The following STS variants were observed in gnomAD, a reference collection of about 807,000 sequenced individuals.
The protein encoded by STS is steroid sulfatase.
In STS, 7 loss-of-function variants were observed where a neutral mutation model predicts 26.8. That is an observed-to-expected ratio of 0.26 (90% confidence interval 0.15 to 0.49). The LOEUF is 0.49. Among genes scored for constraint, STS ranks in the 20% least tolerant of loss-of-function variants. The probability of loss-of-function intolerance (pLI) is 0.98; values close to 1 mark genes in which losing one functional copy is unlikely to be tolerated. For synonymous variants in STS, 199 were observed against 189.4 expected, an observed-to-expected ratio of 1.05 and a Z score of -0.42; for missense variants, 434 against 465.6, an observed-to-expected ratio of 0.93 and a Z score of 0.63.
At chrX:7,280,432 G>A (rs966350091) in intron 7 of STS, among the ~76,000 whole-genome samples, 5 of 111,823 alleles carry the variant, frequency 4.5e-5, no homozygotes, top group African/African-American at 1.6e-4. Flanking sequence ...AATTCTTTGG[G>A]CAATCATGGT....
At chrX:7,162,198 A>G (rs1933258034) in intron 1 of STS, among the ~76,000 whole-genome samples, 1 of 111,405 alleles carries the variant, frequency 9.0e-6, no homozygotes, top group Non-Finnish European at 1.9e-5. Flanking sequence ...ACCCCTGTCA[A>G]ACTTGGCCAC....
rs370215311 is a variant in STS at position 7,252,302 on chromosome X, A to G, written c.-4-894A>G. On this transcript the variant is annotated intron_variant, in intron 2 of 10. Coordinates refer to ENST00000674429, the MANE Select transcript of STS (RefSeq NM_001320752.2). ...CCAGTTGCTGGGAGAGGTGTTGCCTACCACTGCTGGTGGGAAGACTAGAAG... is the reference window on the plus strand; with the variant it reads ...CCAGTTGCTGGGAGAGGTGTTGCCTGCCACTGCTGGTGGGAAGACTAGAAG... 91 of 750,727 alleles carry G rather than the reference A, an allele frequency of 1.2e-4. 1 individual carries two copies. In the East Asian group the frequency reaches 6.0e-3, roughly 49 times the overall value. 61.9% of individuals were successfully genotyped at this position (750,727 alleles called of 1,213,427 possible).
At position 7,334,030 on chromosome X, in the gene STS, G is replaced by A. The variant is rs762985027; in HGVS notation, c.1286G>A (p.Ser429Asn). The change falls in exon 10 of 11, where the codon AGC becomes AAC. Residue 429 changes from serine (S) to asparagine (N), a missense_variant. Physicochemically the swap from Ser to Asn is conservative, Grantham distance 46. Transcript: ENST00000674429. ...RDLMPLLEGKSQRSDHEFLFH... is the reference protein window; with the variant it reads ...RDLMPLLEGKNQRSDHEFLFH... ...CTGATGCCCCTGCTTGAAGGAAAAA[G>A]CCAACGCTCCGATCATGAGTTTCTC... is the stretch of plus-strand genomic sequence containing the variant. The A allele has an allele frequency of 2.1e-5, 26 of 1,209,560 alleles. No individual in the cohort carries two copies. Among genetic ancestry groups the A allele is most frequent in the East Asian group, 3.0e-5 (1 of 33,738 alleles).
chrX:7,327,719 G>A (rs977192851), intron 9 of STS, among the ~76,000 whole-genome samples: 5 of 111,068 alleles, frequency 4.5e-5, no homozygotes, highest in Non-Finnish European at 5.7e-5. Flanking sequence ...CAGGGTAAGC[G>A]TTGAACTTTC....
At position 7,206,085 on chromosome X, in the gene STS, G is replaced by C. The variant is rs181688820; in HGVS notation, c.-5+15077G>C. ...GTATCCTAAGGTTCCATGAAAATGG[G>C]CTTTGCTCTGGGTTTATATTCCTTC... On this transcript the variant is annotated intron_variant, in intron 2 of 10. Transcript: ENST00000674429. 5.4e-5 allele frequency among the ~76,000 whole-genome samples: 6 copies of C among 111,782 alleles called. No individual in the cohort carries two copies. In the South Asian group the frequency reaches 1.9e-3, roughly 36 times the overall value.
chrX:7,193,969 A>G, intron 2 of STS, among the ~76,000 whole-genome samples: 1 of 111,564 alleles, frequency 9.0e-6, no homozygotes, highest in East Asian at 2.8e-4. Flanking sequence ...CAGTGGCACA[A>G]TCTCAGCTCA....
intron 2 of STS, among the ~76,000 whole-genome samples, chrX:7,203,883 C>G (rs1195648714): frequency 9.0e-6 from 1 of 111,359 alleles, no homozygotes; most frequent in African/African-American, 3.3e-5. Flanking sequence ...CTTCTGGGCT[C>G]AAGCAATTCT....
At chrX:7,242,049 A>G (rs1300634134) in intron 2 of STS, among the ~76,000 whole-genome samples, 1 of 111,332 alleles carries the variant, frequency 9.0e-6, no homozygotes, top group Non-Finnish European at 1.9e-5. Context: ...CCAGCAAGAT[A>G]GAGGTCATAG....
At chrX:7,343,058 T>G (rs1928363707) in intron 10 of STS, among the ~76,000 whole-genome samples, 1 of 110,647 alleles carries the variant, frequency 9.0e-6, no homozygotes, top group Admixed American at 9.6e-5. Flanking sequence ...AATGGAAAAA[T>G]GGAACAGTAT....
At chrX:7,323,429 T>C (rs940317834) in intron 8 of STS, among the ~76,000 whole-genome samples, 1 of 111,239 alleles carries the variant, frequency 9.0e-6, no homozygotes, top group African/African-American at 3.3e-5. Context: ...TTTATGTTTA[T>C]GAGTACTGAA....
chrX:7,211,156 C>A (rs1327822270), intron 2 of STS, among the ~76,000 whole-genome samples: 1 of 111,961 alleles, frequency 8.9e-6, no homozygotes, highest in Non-Finnish European at 1.9e-5. Context: ...ATGAAAAACA[C>A]TTACTTTAAT....
chrX:7,188,833 C>A, intron 1 of STS, among the ~76,000 whole-genome samples: 1 of 111,836 alleles, frequency 8.9e-6, no homozygotes, highest in East Asian at 2.8e-4. Flanking sequence ...TCCATGCAAT[C>A]TTAGTCTTGC....
At chrX:7,294,885 A>G (rs1925592336) in intron 7 of STS, among the ~76,000 whole-genome samples, 1 of 111,580 alleles carries the variant, frequency 9.0e-6, no homozygotes, top group Admixed American at 9.6e-5. Flanking sequence ...ATGGCCTCTG[A>G]CAGTTTTCTT....
chrX:7,325,159 C>A (rs1215028375), intron 8 of STS, among the ~76,000 whole-genome samples, 180 bp from the exon 9 acceptor site: 1 of 111,679 alleles, frequency 9.0e-6, no homozygotes, highest in Non-Finnish European at 1.9e-5. Flanking sequence ...GTGACTGTAT[C>A]ATATATATTC....
chrX:7,257,382 C>T lies in STS; in HGVS notation c.259+19C>T, dbSNP rs750716469. The T allele has an allele frequency of 1.0e-4, 124 of 1,210,696 alleles. No individual in the cohort carries two copies. The highest frequency in any genetic ancestry group is 1.3e-4 in the Non-Finnish European group (113 of 895,240). On this transcript the variant is annotated intron_variant, in intron 4 of 10. Coordinates refer to ENST00000674429, the MANE Select transcript of STS (RefSeq NM_001320752.2). ...CGATCAGGTAACCTCCTATCTGCATCGCAGGGGCTGTGGTCACCTTCGGGA... is the reference window on the plus strand; with the variant it reads ...CGATCAGGTAACCTCCTATCTGCATTGCAGGGGCTGTGGTCACCTTCGGGA...
At chrX:7,181,607 C>A (rs1346162539) in intron 1 of STS, among the ~76,000 whole-genome samples, 1 of 111,914 alleles carries the variant, frequency 8.9e-6, no homozygotes, top group African/African-American at 3.2e-5. Context: ...CCACCAGACA[C>A]CTATCACAGC....
chrX:7,299,311 A>G (rs1445804883), intron 7 of STS, among the ~76,000 whole-genome samples: 1 of 98,904 alleles, frequency 1.0e-5, no homozygotes, highest in African/African-American at 3.7e-5. Context: ...ATATATAATT[A>G]TATTAATTAA....
chrX:7,299,090 TTA>T (rs1331772849), intron 7 of STS, among the ~76,000 whole-genome samples: 25 of 94,962 alleles, frequency 2.6e-4, no homozygotes, highest in Non-Finnish European at 4.8e-4. Context: ...TTTATAATAA[TTA>T]TGTTATATGT....
chrX:7,278,403 G>T (rs956181469), intron 7 of STS, among the ~76,000 whole-genome samples: 33 of 111,997 alleles, frequency 2.9e-4, no homozygotes, highest in African/African-American at 9.4e-4. Context: ...AACTAGTGAG[G>T]GTGCATCTCA....
Sources: allele counts gnomAD v4.1 joint callset (sites outside exome capture counted in the v4.1 genomes callset), GRCh38; gene constraint gnomAD v4.1.1; transcripts MANE v1.5; gene names NCBI Gene and HGNC (gene_info 2026-07-23, HGNC 2026-07-21).